KDM5A: variants seen among roughly 807,000 people sequenced by gnomAD.
The protein encoded by KDM5A is lysine demethylase 5A, also known as lysine-specific demethylase 5A.
Under a neutral mutation model 193.5 loss-of-function variants are expected in KDM5A, and 42 were observed. The observed-to-expected ratio is 0.22, with a 90% CI of 0.17 to 0.28. The LOEUF (loss-of-function observed/expected upper bound fraction) is 0.28, where lower values mean the gene tolerates loss of function less well. KDM5A is among the 10% of genes least tolerant of loss of function. The pLI, the probability that KDM5A is intolerant of heterozygous loss-of-function variation, is 1.00. For missense variants in KDM5A, 1,692 were observed against 2,055.1 expected, an observed-to-expected ratio of 0.82 and a Z score of 3.42; for synonymous variants, 796 against 718.1, an observed-to-expected ratio of 1.11 and a Z score of -1.73.
chr12:345,581 C>A (rs1347123218), intron 10 of KDM5A, among the ~76,000 whole-genome samples: 1 of 152,318 alleles, frequency 6.6e-6, no homozygotes, highest in East Asian at 1.9e-4. Flanking sequence ...GACCACAGTG[C>A]AATCAAATTA....
Position 328,916 on chromosome 12 carries a change from C to T in KDM5A, c.1887G>A (p.Val629=). 1 of 1,614,208 alleles carries T rather than the reference C, an allele frequency of 6.2e-7. No individual in the cohort carries two copies. Among genetic ancestry groups the T allele is most frequent in the Non-Finnish European group, 8.5e-7 (1 of 1,180,038 alleles). ...CTTTGCAGACCATGGCAGCCAGCCCCACATCTAAGCATTCTGGATCTGCTG... is the reference window on the plus strand; with the variant it reads ...CTTTGCAGACCATGGCAGCCAGCCCTACATCTAAGCATTCTGGATCTGCTG... The part of the protein sequence containing the change: ...KMAADPECLD[V]GLAAMVCKEL... Residue 629 remains valine (V), a synonymous_variant, in exon 14 of 28, where the codon GTG becomes GTA. Transcript: ENST00000399788.
chr12:317,757 C>T (rs1943666122), intron 19 of KDM5A, among the ~76,000 whole-genome samples: 1 of 152,216 alleles, frequency 6.6e-6, no homozygotes, highest in Non-Finnish European at 1.5e-5. Context: ...CAATGAGGTG[C>T]TCTGAGGGTT....
intron 14 of KDM5A, 21 bp from the exon 15 acceptor site, chr12:323,802 C>T (rs1476781780): frequency 6.3e-7 from 1 of 1,588,940 alleles, no homozygotes; most frequent in Admixed American, 1.7e-5. Flanking sequence ...ATTTATTTCA[C>T]TAGATCAAGT....
chr12:294,300 G>A (rs925156475), intron 26 of KDM5A, among the ~76,000 whole-genome samples: 5 of 152,186 alleles, frequency 3.3e-5, no homozygotes, highest in Non-Finnish European at 7.4e-5. Context: ...AAGAACAGGA[G>A]GAGGAATAAG....
intron 4 of KDM5A, among the ~76,000 whole-genome samples, chr12:364,306 T>A (rs192215537): frequency 6.6e-6 from 1 of 152,078 alleles, no homozygotes; most frequent in East Asian, 1.9e-4. Flanking sequence ...ACCCTGTCTC[T>A]ACTAAAAATA....
At chr12:320,900 G>A (rs1943708890) in intron 18 of KDM5A, 95 bp downstream of exon 18, 4 of 901,870 alleles carry the variant, frequency 4.4e-6, no homozygotes, top group Non-Finnish European at 7.4e-6. Context: ...AAAAATCAGA[G>A]CAAAAAACTA....
At position 352,328 on chromosome 12, in the gene KDM5A, G is replaced by A. The variant is rs1262995583; in HGVS notation, c.1030-4C>T. 3.1e-6 allele frequency: 5 copies of A among 1,612,522 alleles called. No homozygotes were observed. The highest frequency in any genetic ancestry group is 3.3e-4 in the Middle Eastern group (2 of 6,080). Reference sequence around the variant, plus strand: ...CTTCTCGAGGTTTGCTACATTCCTGGAAAGAAAAAATATGTAAGATTAACT... The same window carrying A: ...CTTCTCGAGGTTTGCTACATTCCTGAAAAGAAAAAATATGTAAGATTAACT... On this transcript the variant is annotated splice_polypyrimidine_tract_variant and splice_region_variant and intron_variant, in intron 8 of 27. Coordinates refer to ENST00000399788, the MANE Select transcript of KDM5A (RefSeq NM_001042603.3).
chr12:362,576 C>T (rs1294776928), intron 5 of KDM5A, among the ~76,000 whole-genome samples: 1 of 152,222 alleles, frequency 6.6e-6, no homozygotes, highest in Non-Finnish European at 1.5e-5. Flanking sequence ...ATTGGCACTA[C>T]AGTATCCGGG....
At chr12:352,149 G>C (rs1944169156) in intron 9 of KDM5A, 56 bp downstream of exon 9, 2 of 632,464 alleles carry the variant, frequency 3.2e-6, no homozygotes, top group Non-Finnish European at 5.8e-6. Flanking sequence ...TGAAGGCTTT[G>C]TACTCAGGTA....
chr12:350,593 G>T, intron 10 of KDM5A, 28 bp downstream of exon 10: 5 of 1,613,028 alleles, frequency 3.1e-6, no homozygotes, highest in Non-Finnish European at 4.2e-6. Context: ...CAGCTTGGGG[G>T]TAAGCAAAAG....
intron 10 of KDM5A, among the ~76,000 whole-genome samples, chr12:335,635 T>C (rs1360291331): frequency 6.6e-6 from 1 of 152,042 alleles, no homozygotes; most frequent in Non-Finnish European, 1.5e-5. Flanking sequence ...AGGTAAGAAG[T>C]TAAAGAGCCA....
chr12:379,855 C>G (rs1203686147), intron 3 of KDM5A, among the ~76,000 whole-genome samples: 1 of 152,168 alleles, frequency 6.6e-6, no homozygotes, highest in African/African-American at 2.4e-5. Flanking sequence ...ATCAGCTTCT[C>G]AAGATGGAGT....
intron 25 of KDM5A, among the ~76,000 whole-genome samples, chr12:296,055 A>AC (rs1943367499): frequency 6.6e-6 from 1 of 152,140 alleles, no homozygotes; most frequent in South Asian, 2.1e-4. Context: ...GTGGCGGCTC[A>AC]CCCTTGTAAT....
chr12:387,226 CAAAAAAA>C (rs201508413), intron 1 of KDM5A: 1 of 263,520 alleles, frequency 3.8e-6, no homozygotes, highest in African/African-American at 3.0e-5. Flanking sequence ...GTTGAGTAGT[CAAAAAAA>C]AAAAAAAGTC....
At chr12:295,549 T>C (rs1943359249) in intron 26 of KDM5A, 24 bp downstream of exon 26, 2 of 1,602,058 alleles carry the variant, frequency 1.2e-6, no homozygotes, top group African/African-American at 2.7e-5. Flanking sequence ...TTAACCACTG[T>C]TTAAATAAGT....
intron 14 of KDM5A, among the ~76,000 whole-genome samples, chr12:328,090 C>A (rs1943815412): frequency 6.6e-6 from 1 of 152,148 alleles, no homozygotes; most frequent in Admixed American, 6.5e-5. Flanking sequence ...TAGATATATT[C>A]ATTATCTTGA....
intron 24 of KDM5A, among the ~76,000 whole-genome samples, chr12:300,280 G>C (rs940266032): frequency 1.2e-4 from 18 of 152,046 alleles, no homozygotes; most frequent in Admixed American, 1.1e-3. Context: ...CCCATAATTG[G>C]AAGTAAAACA....
Position 281,255 on chromosome 12 carries a change from A to C in KDM5A, c.*4201T>G, listed in dbSNP as rs1028259860. The C allele has an allele frequency of 1.7e-5, 4 of 233,066 alleles. No individual in the cohort carries two copies. The highest frequency in any genetic ancestry group is 2.5e-5 in the Non-Finnish European group (3 of 117,990). 14.4% of individuals were successfully genotyped at this position (233,066 alleles called of 1,614,324 possible). A position where few individuals can be genotyped will look rare whatever the true frequency, so the allele number is the denominator to read the frequency against. On this transcript the variant is annotated 3_prime_UTR_variant, in exon 28 of 28. Coordinates refer to ENST00000399788, the MANE Select transcript of KDM5A (RefSeq NM_001042603.3). The stretch of plus-strand genomic sequence containing the variant: ...CAATTACCCTGATAAATTGTAAATA[A>C]ATATGTAAGGGAATAATCAATAGGG...
At chr12:334,693 T>A (rs1317679591) in intron 10 of KDM5A, among the ~76,000 whole-genome samples, 1 of 151,962 alleles carries the variant, frequency 6.6e-6, no homozygotes, top group Non-Finnish European at 1.5e-5. Flanking sequence ...CTCCAGCCAA[T>A]CAGGAAAACA....
Sources: gnomAD v4.1 joint callset for allele counts (sites outside exome capture counted in the v4.1 genomes callset) on GRCh38, gnomAD v4.1.1 for gene constraint, MANE v1.5 for transcripts, NCBI Gene and HGNC (gene_info 2026-07-23, HGNC 2026-07-21) for gene names.